KIAA0825: variants seen among roughly 807,000 people sequenced by gnomAD.
KIAA0825 encodes the protein KIAA0825.
In KIAA0825, 119 loss-of-function variants were observed where a neutral mutation model predicts 147.6. That is an observed-to-expected ratio of 0.81 (90% CI 0.69 to 0.94). The LOEUF (loss-of-function observed/expected upper bound fraction) is 0.94. Ranked by LOEUF, KIAA0825 falls within the 40% of genes least tolerant of loss-of-function variation. The pLI, the probability that KIAA0825 is intolerant of heterozygous loss-of-function variation, is 0.00. For missense variants in KIAA0825, 1,381 were observed against 1,472.7 expected (o/e 0.94, Z 1.02); for synonymous variants, 470 against 518.1 (o/e 0.91, Z 1.26).
intron 2 of KIAA0825, among the ~76,000 whole-genome samples, chr5:94,539,534 A>T (rs56967455): frequency 0.01 from 1,595 of 152,206 alleles, 29 homozygotes; most frequent in African/African-American, 0.035. Flanking sequence ...GCCTGGTAAC[A>T]TCTTTCTGGC....
At chr5:94,541,908 G>A (rs528324104) in intron 2 of KIAA0825, among the ~76,000 whole-genome samples, 12 of 152,252 alleles carry the variant, frequency 7.9e-5, no homozygotes, top group Admixed American at 4.6e-4. Context: ...ATTGGTATAC[G>A]TTCCAAAATT....
In KIAA0825 at chr5:94,383,436, CATT is replaced by C. The variant is rs567103322; in HGVS notation, c.3710+929_3710+931del. 1.8e-4 allele frequency among the ~76,000 whole-genome samples: 28 copies of C among 152,162 alleles called. No homozygotes were observed. The South Asian group carries it at 2.9e-3, about 16-fold the overall frequency. On this transcript the variant is annotated intron_variant, in intron 20 of 20. Coordinates refer to ENST00000682413, the MANE Select transcript of KIAA0825 (RefSeq NM_001145678.3). Reference sequence around the variant, plus strand: ...TTTGACAATTCTACTATGTTATTATCATTATTTTCTTTCAAAAAAAAGATACTC... The same window carrying C: ...TTTGACAATTCTACTATGTTATTATCATTTTCTTTCAAAAAAAAGATACTC...
At chr5:94,322,837 A>G (rs971090604) in intron 20 of KIAA0825, among the ~76,000 whole-genome samples, 1 of 151,830 alleles carries the variant, frequency 6.6e-6, no homozygotes, top group South Asian at 2.1e-4. Flanking sequence ...TCTATTTTCC[A>G]TATTTTATAA....
intron 20 of KIAA0825, among the ~76,000 whole-genome samples, chr5:94,312,015 G>C (rs1322253454): frequency 1.3e-5 from 2 of 151,552 alleles, no homozygotes; most frequent in Non-Finnish European, 3.0e-5. Flanking sequence ...CTCTCCATTA[G>C]GCACATCTAC....
intron 5 of KIAA0825, among the ~76,000 whole-genome samples, chr5:94,502,886 A>C (rs1025343239): frequency 6.6e-6 from 1 of 151,946 alleles, no homozygotes; most frequent in African/African-American, 2.4e-5. Flanking sequence ...AGGTGGGTGG[A>C]TCACTTGAAG....
chr5:94,573,060 A>G (rs1181175004), intron 2 of KIAA0825, among the ~76,000 whole-genome samples: 8 of 150,450 alleles, frequency 5.3e-5, no homozygotes. Context: ...TGAGACATCA[A>G]TCAAATGCAT....
chr5:94,515,857 C>T (rs545524889), intron 5 of KIAA0825, among the ~76,000 whole-genome samples: 3 of 151,124 alleles, frequency 2.0e-5, no homozygotes, highest in Non-Finnish European at 2.9e-5. Context: ...ATTCAGAAAG[C>T]GTTGCTTTGT....
intron 1 of KIAA0825, 143 bp downstream of exon 1, chr5:94,618,357 G>T (rs1300409630): frequency 6.5e-6 from 1 of 152,798 alleles, no homozygotes; most frequent in Non-Finnish European, 1.5e-5. Context: ...GCTGCACTGG[G>T]TGTCAAGCGC....
chr5:94,357,381 A>G (rs1784402613), intron 20 of KIAA0825, among the ~76,000 whole-genome samples: 12 of 152,274 alleles, frequency 7.9e-5, no homozygotes, highest in Admixed American at 7.8e-4. Context: ...CAAATAAAAA[A>G]TAGAGATGAA....
chr5:94,525,029 A>G (rs1769002113), intron 3 of KIAA0825, among the ~76,000 whole-genome samples: 1 of 151,828 alleles, frequency 6.6e-6, no homozygotes, highest in Admixed American at 6.6e-5. Flanking sequence ...CCACAGGGAT[A>G]TGACATATTA....
At chr5:94,216,501 A>G (rs1773212678) in intron 20 of KIAA0825, among the ~76,000 whole-genome samples, 1 of 152,246 alleles carries the variant, frequency 6.6e-6, no homozygotes, top group Non-Finnish European at 1.5e-5. Context: ...ATCCAGGAGG[A>G]ATAAAGTGAT....
At chr5:94,582,070 T>C (rs1197855863) in intron 2 of KIAA0825, among the ~76,000 whole-genome samples, 3 of 152,236 alleles carry the variant, frequency 2.0e-5, no homozygotes, top group African/African-American at 7.2e-5. Flanking sequence ...ATTCAATTCA[T>C]TGATTTTGAA....
chr5:94,217,713 T>C (rs1421072750), intron 20 of KIAA0825, among the ~76,000 whole-genome samples: 2 of 152,206 alleles, frequency 1.3e-5, no homozygotes, highest in Non-Finnish European at 1.5e-5. Context: ...TATCAGTGTT[T>C]TTTTAAAAAG....
At chr5:94,338,786 T>A (rs1241593921) in intron 20 of KIAA0825, among the ~76,000 whole-genome samples, 1 of 152,152 alleles carries the variant, frequency 6.6e-6, no homozygotes, top group South Asian at 2.1e-4. Context: ...ATTGCCTAAT[T>A]ACACATTTCT....
At chr5:94,293,334 G>T (rs965150092) in intron 20 of KIAA0825, among the ~76,000 whole-genome samples, 4 of 152,168 alleles carry the variant, frequency 2.6e-5, no homozygotes, top group Non-Finnish European at 4.4e-5. Flanking sequence ...TGGTTTCAAA[G>T]AACTTATTTA....
Position 94,301,311 on chromosome 5 carries a change from CCAAA to C in KIAA0825, c.3710+83053_3710+83056del, listed in dbSNP as rs1297031156. On this transcript the variant is annotated intron_variant, in intron 20 of 20. Transcript: ENST00000682413. ...ACAGACATTTCATAATTTTTTCAAA[CCAAA>C]CAATGTTGATTGATTAGTTGGAAAG... is the stretch of plus-strand genomic sequence containing the variant. 1.0e-3 allele frequency among the ~76,000 whole-genome samples: 159 copies of C among 151,770 alleles called. 2 individuals carry two copies. Among genetic ancestry groups the C allele is most frequent in the Admixed American group, 4.2e-3 (64 of 15,220 alleles).
intron 3 of KIAA0825, among the ~76,000 whole-genome samples, chr5:94,536,624 T>C (rs969213805): frequency 6.6e-6 from 1 of 152,150 alleles, no homozygotes; most frequent in Non-Finnish European, 1.5e-5. Context: ...ATGACCAATA[T>C]TATGCAAAAA....
At chr5:94,430,334 C>T (rs939915102) in intron 14 of KIAA0825, among the ~76,000 whole-genome samples, 1 of 152,112 alleles carries the variant, frequency 6.6e-6, no homozygotes, top group Non-Finnish European at 1.5e-5. Context: ...GGAGAATTTA[C>T]TCATAAAATC....
At chr5:94,604,090 T>G (rs1787031732) in intron 1 of KIAA0825, among the ~76,000 whole-genome samples, 1 of 152,230 alleles carries the variant, frequency 6.6e-6, no homozygotes, top group East Asian at 1.9e-4. Flanking sequence ...GATAGATATC[T>G]ACAGAACTCT....
Sources: gnomAD v4.1 joint callset for allele counts (sites outside exome capture counted in the v4.1 genomes callset) on GRCh38, gnomAD v4.1.1 for gene constraint, MANE v1.5 for transcripts, NCBI Gene and HGNC (gene_info 2026-07-23, HGNC 2026-07-21) for gene names.